The following MYT1L variants were observed in gnomAD, a reference collection of about 807,000 sequenced individuals.
MYT1L encodes myelin transcription factor 1 like.
In MYT1L, 12 loss-of-function variants were observed where a neutral mutation model predicts 126.7. The observed-to-expected ratio is 0.09, with a 90% CI of 0.06 to 0.15. The LOEUF (loss-of-function observed/expected upper bound fraction) is 0.15, where lower values mean the gene tolerates loss of function less well. Ranked by LOEUF, MYT1L falls within the 10% of genes least tolerant of loss-of-function variation. MYT1L has a pLI of 1.00. For synonymous variants in MYT1L, 541 were observed against 604.2 expected (o/e 0.90, Z 1.53); for missense variants, 979 against 1,585.2 (o/e 0.62, Z 6.49).
At chr2:1,965,750 G>A (rs865915690) in intron 8 of MYT1L, among the ~76,000 whole-genome samples, 4 of 152,228 alleles carry the variant, frequency 2.6e-5, no homozygotes, top group Non-Finnish European at 4.4e-5. Flanking sequence ...TGTGGGCACC[G>A]CGGGCTGATT....
intron 16 of MYT1L, among the ~76,000 whole-genome samples, chr2:1,888,887 T>G (rs1203035916): frequency 6.6e-6 from 1 of 152,240 alleles, no homozygotes; most frequent in African/African-American, 2.4e-5. Context: ...AAGACTCCTA[T>G]TAGAATTCTC....
At chr2:1,823,322 G>A (rs1313040479) in intron 21 of MYT1L, among the ~76,000 whole-genome samples, 2 of 152,214 alleles carry the variant, frequency 1.3e-5, no homozygotes, top group East Asian at 3.9e-4. Context: ...TGTTGTTGCT[G>A]TGGTTGTGGC....
intron 4 of MYT1L, among the ~76,000 whole-genome samples, chr2:2,008,658 T>G (rs1417694288): frequency 1.3e-5 from 2 of 152,200 alleles, no homozygotes; most frequent in East Asian, 3.8e-4. Context: ...TATTGTTTCT[T>G]TGGCTGTGCA....
intron 21 of MYT1L, among the ~76,000 whole-genome samples, chr2:1,822,087 G>A (rs1010498907): frequency 6.6e-6 from 1 of 151,980 alleles, no homozygotes; most frequent in African/African-American, 2.4e-5. Flanking sequence ...TCTTTTTCTG[G>A]GTTCTTTCTT....
chr2:2,241,306 C>A (rs972555294), intron 2 of MYT1L, among the ~76,000 whole-genome samples: 38 of 151,980 alleles, frequency 2.5e-4, no homozygotes, highest in African/African-American at 8.7e-4. Context: ...ATACATCCAC[C>A]ACAAAACAGA....
intron 3 of MYT1L, among the ~76,000 whole-genome samples, chr2:2,063,575 G>A (rs867308954): frequency 7.9e-5 from 12 of 152,126 alleles, no homozygotes; most frequent in African/African-American, 2.7e-4. Flanking sequence ...CAGGCGCAGC[G>A]GCTCACGCCT....
chr2:1,899,734 C>G (rs142229533), intron 14 of MYT1L, among the ~76,000 whole-genome samples: 1 of 152,214 alleles, frequency 6.6e-6, no homozygotes, highest in African/African-American at 2.4e-5. Flanking sequence ...GTAAAGCACA[C>G]GCTAATCCTG....
intron 3 of MYT1L, among the ~76,000 whole-genome samples, chr2:2,095,428 A>T (rs2077338360): frequency 6.6e-6 from 1 of 152,178 alleles, no homozygotes; most frequent in South Asian, 2.1e-4. Context: ...CCCTGAATAC[A>T]CAAGGACTGT....
At chr2:2,076,087 T>A (rs1040220409) in intron 3 of MYT1L, among the ~76,000 whole-genome samples, 3 of 152,188 alleles carry the variant, frequency 2.0e-5, no homozygotes, top group Non-Finnish European at 4.4e-5. Context: ...GACAGCAAAC[T>A]GCTGGCAGCA....
intron 10 of MYT1L, among the ~76,000 whole-genome samples, chr2:1,918,590 T>A (rs1257842271): frequency 1.3e-5 from 2 of 152,212 alleles, no homozygotes; most frequent in African/African-American, 4.8e-5. Flanking sequence ...GAACTTCAAA[T>A]AGACAAAGGA....
In MYT1L at chr2:1,907,477, C is replaced by A. The variant is rs760939829; in HGVS notation, c.1817+2763G>T. ...AAGGGCAATCTGTTTATTCCCCTGG[C>A]GGGGAAGGCCAAAGGCTGGGAGAAG... On this transcript the variant is annotated intron_variant, in intron 13 of 24. Transcript: ENST00000647738. 5.7e-4 allele frequency among the ~76,000 whole-genome samples: 87 copies of A among 152,124 alleles called. 2 individuals carry two copies. The highest frequency in any genetic ancestry group is 3.7e-4 in the Non-Finnish European group (25 of 68,024).
chr2:1,863,562 G>A (rs1328422175), intron 18 of MYT1L, among the ~76,000 whole-genome samples: 4 of 136,798 alleles, frequency 2.9e-5, no homozygotes, highest in African/African-American at 7.9e-5. Flanking sequence ...GCGCCAGCCC[G>A]ACCCCCGGAA....
chr2:2,288,222 C>T (rs1170516561), intron 1 of MYT1L, among the ~76,000 whole-genome samples: 1 of 152,110 alleles, frequency 6.6e-6, no homozygotes, highest in African/African-American at 2.4e-5. Context: ...AGAAATGAGG[C>T]CCTGGGAAGA....
chr2:2,249,992 A>G (rs1572840845), intron 2 of MYT1L, among the ~76,000 whole-genome samples: 1 of 152,210 alleles, frequency 6.6e-6, no homozygotes, highest in East Asian at 1.9e-4. Context: ...CCCCAGTTAC[A>G]ACGGCTTCTA....
chr2:2,014,353 C>T (rs1003160480), intron 4 of MYT1L, among the ~76,000 whole-genome samples: 2 of 152,084 alleles, frequency 1.3e-5, no homozygotes, highest in Non-Finnish European at 2.9e-5. Flanking sequence ...TAATTAATGC[C>T]CACAGCAGCC....
At chr2:2,270,895 C>T (rs569535581) in intron 2 of MYT1L, among the ~76,000 whole-genome samples, 12 of 151,948 alleles carry the variant, frequency 7.9e-5, no homozygotes, top group East Asian at 7.8e-4. Context: ...AATCGGCTGA[C>T]GCTGACTCTT....
intron 18 of MYT1L, among the ~76,000 whole-genome samples, chr2:1,878,669 G>C (rs1300050995): frequency 6.6e-6 from 1 of 152,160 alleles, no homozygotes; most frequent in Non-Finnish European, 1.5e-5. Flanking sequence ...TTTCATGTGG[G>C]ACAGCACAGA....
chr2:2,202,154 C>T (rs58731054), intron 2 of MYT1L, among the ~76,000 whole-genome samples: 32,587 of 151,624 alleles, frequency 0.21, 4,452 homozygotes, highest in African/African-American at 0.4. Flanking sequence ...CACTAAATGC[C>T]CACAAGAGAA....
In MYT1L at chr2:1,953,876, A is replaced by G. The variant is rs574105819; in HGVS notation, c.153-10542T>C. ...ATGTTACCACAGAAGTATTCTAACC[A>G]CCTACCTCATGGCAGTGAGATTGGC... is the stretch of plus-strand genomic sequence containing the variant. On this transcript the variant is annotated intron_variant, in intron 8 of 24. Coordinates refer to ENST00000647738, the MANE Select transcript of MYT1L (RefSeq NM_001303052.2). Among the ~76,000 whole-genome samples the G allele has an allele frequency of 2.6e-5, 4 of 152,268 alleles. No individual in the cohort carries two copies. In the South Asian group the frequency reaches 8.3e-4, roughly 32 times the overall value.
Sources: gnomAD v4.1 joint callset for allele counts (sites outside exome capture counted in the v4.1 genomes callset) on GRCh38, gnomAD v4.1.1 for gene constraint, MANE v1.5 for transcripts, NCBI Gene and HGNC (gene_info 2026-07-23, HGNC 2026-07-21) for gene names.